ETV5: variants seen among roughly 807,000 people sequenced by gnomAD.
ETV5 encodes the protein ETS translocation variant 5.
Under a neutral mutation model 70.0 loss-of-function variants are expected in ETV5, and 10 were observed. The observed-to-expected ratio is 0.14, with a 90% confidence interval of 0.09 to 0.24. ETV5 has a LOEUF of 0.24. Among genes scored for constraint, ETV5 ranks in the 10% least tolerant of loss-of-function variants. The pLI, the probability that ETV5 is intolerant of heterozygous loss-of-function variation, is 1.00. For synonymous variants in ETV5, 216 were observed against 242.2 expected (o/e 0.89, Z 1.01); for missense variants, 453 against 651.2 (o/e 0.70, Z 3.31).
chr3:186,094,304 G>A (rs770660621), intron 5 of ETV5, among the ~76,000 whole-genome samples: 2 of 152,184 alleles, frequency 1.3e-5, no homozygotes, highest in Non-Finnish European at 2.9e-5. Context: ...TGACCTGTGG[G>A]TAAGAACGAT....
chr3:186,103,838 C>T (rs1008077952), intron 5 of ETV5, among the ~76,000 whole-genome samples: 21 of 152,230 alleles, frequency 1.4e-4, no homozygotes, highest in African/African-American at 4.8e-4. Flanking sequence ...TTCCCTTTTA[C>T]AGTTTCATGG....
chr3:186,101,864 C>G (rs749737449), intron 5 of ETV5, among the ~76,000 whole-genome samples: 3 of 152,198 alleles, frequency 2.0e-5, no homozygotes, highest in African/African-American at 4.8e-5. Context: ...AATCTGAGAT[C>G]TTCAGAGTTA....
chr3:186,060,816 A>G (rs1713285571), intron 9 of ETV5, among the ~76,000 whole-genome samples: 1 of 152,206 alleles, frequency 6.6e-6, no homozygotes, highest in African/African-American at 2.4e-5. Context: ...CTTGCTAAAA[A>G]TATTTCCCTT....
rs1714561780 is a variant in ETV5, at chr3:186,105,313, G to C, written c.224C>G (p.Ser75Cys). The C allele has an allele frequency of 1.9e-6, 3 of 1,612,308 alleles. No homozygotes were observed. Among genetic ancestry groups the C allele is most frequent in the African/African-American group, 2.7e-5 (2 of 74,984 alleles). ...ACCAGAAAGGTACTTACGGTTATCA[G>C]ACTGAAAATCTGGGACAAACTGTTC... ...DDEQFVPDFQ[S>C]DNLVLHAPPP... The change falls in exon 5 of 13, where the codon TCT becomes TGT. Residue 75 changes from serine (S) to cysteine (C), a missense_variant. Ser to Cys is a moderately radical substitution (Grantham distance 112). Around this residue, in one of 4 missense-constraint regions of ETV5, gnomAD observed 47 missense variants for 96.8 expected, o/e 0.49. Coordinates refer to ENST00000306376, the MANE Select transcript of ETV5 (RefSeq NM_004454.3). The surrounding 1 kb of genome is among the most constrained non-coding windows in gnomAD (Gnocchi z 4.5).
intron 5 of ETV5, among the ~76,000 whole-genome samples, chr3:186,088,610 G>C (rs886638972): frequency 6.6e-6 from 1 of 152,216 alleles, no homozygotes; most frequent in Non-Finnish European, 1.5e-5. Context: ...GTGGTTGTGG[G>C]AGTGAGTAGA....
At chr3:186,108,506 C>G (rs770006897) in intron 1 of ETV5, 18 of 1,287,078 alleles carry the variant, frequency 1.4e-5, no homozygotes, top group Non-Finnish European at 1.8e-5. Flanking sequence ...GCCTCTCAGA[C>G]ATTCCCCTCA....
intron 7 of ETV5, chr3:186,078,247 A>G: frequency 9.8e-7 from 1 of 1,017,030 alleles, no homozygotes; most frequent in Non-Finnish European, 1.2e-6. Flanking sequence ...AGGGGGAAAT[A>G]TTAGATAAAG....
At chr3:186,077,282 AACCTATAGTC>A (rs2074548770) in intron 7 of ETV5, among the ~76,000 whole-genome samples, 2 of 152,260 alleles carry the variant, frequency 1.3e-5, no homozygotes, top group Non-Finnish European at 2.9e-5. Context: ...GCCAAGAGAC[AACCTATAGTC>A]ACCAATAAAA....
rs1359393283 is a variant in ETV5 at position 186,079,915 on chromosome 3, A to G, written c.552T>C (p.Pro184=). ...PAPAPHSLPE[P]GPQQQTFAVP... is the part of the protein sequence containing the mutation. Reference sequence around the variant, plus strand: ...CCGCAAATGTTTGCTGCTGTGGTCCAGGCTCTGGAAGCGAATGGGGGGCGG... The same window carrying G: ...CCGCAAATGTTTGCTGCTGTGGTCCGGGCTCTGGAAGCGAATGGGGGGCGG... The change falls in exon 7 of 13, where the codon CCT becomes CCC. Residue 184 remains proline, a synonymous_variant. Coordinates refer to ENST00000306376, the MANE Select transcript of ETV5 (RefSeq NM_004454.3). 8.5e-7 allele frequency: 1 copy of G among 1,172,526 alleles called. No individual in the cohort carries two copies. Among genetic ancestry groups the G allele is most frequent in the African/African-American group, 1.8e-5 (1 of 56,102 alleles). The allele number at this position is 1,172,526 out of a possible 1,614,324, so 72.6% of individuals were successfully genotyped here. A position where few individuals can be genotyped will look rare whatever the true frequency, so the allele number is the denominator to read the frequency against.
rs780599386 is a variant in ETV5, at chr3:186,105,428, T to C, written c.181+21A>G. Reference sequence around the variant, plus strand: ...ACAGTAAAATGTTTTATATGGAAAATAGGACATCCATGAAACTTGCCTTCA... The same window carrying C: ...ACAGTAAAATGTTTTATATGGAAAACAGGACATCCATGAAACTTGCCTTCA... On this transcript the variant is annotated intron_variant, in intron 4 of 12. Transcript: ENST00000306376. The surrounding 1 kb of genome is among the most constrained non-coding windows in gnomAD (Gnocchi z 4.5). 2.4e-5 allele frequency: 39 copies of C among 1,613,646 alleles called. No individual in the cohort carries two copies. Among genetic ancestry groups the C allele is most frequent in the Middle Eastern group, 1.6e-4 (1 of 6,062 alleles).
chr3:186,048,785 G>A lies in ETV5; in HGVS notation c.1387C>T (p.Gln463Ter), dbSNP rs2150140055. The change falls in exon 13 of 13, where the codon CAG becomes TAG. Residue 463 changes from glutamine to a stop codon, truncating the protein, a stop_gained. Transcript: ENST00000306376. LOFTEE classifies it high-confidence loss of function. ...GACTCTGCCTTCAGGAACGGACGCTGGTTATCCGGGAAAGCCATGGAGAAG... is the reference window on the plus strand; with the variant it reads ...GACTCTGCCTTCAGGAACGGACGCTAGTTATCCGGGAAAGCCATGGAGAAG... ...ALFSMAFPDNQRPFLKAESEC... is the reference protein window; with the variant it reads ...ALFSMAFPDN The A allele has an allele frequency of 6.2e-7, 1 of 1,614,166 alleles. No homozygotes were observed. The highest frequency in any genetic ancestry group is 8.5e-7 in the Non-Finnish European group (1 of 1,180,040).
intron 7 of ETV5, among the ~76,000 whole-genome samples, chr3:186,075,459 GA>G (rs1263034169): frequency 6.6e-6 from 1 of 152,134 alleles, no homozygotes; most frequent in Non-Finnish European, 1.5e-5. Context: ...AAGAGAGGAA[GA>G]AAAAACAAGA....
At chr3:186,095,333 CA>C (rs1714279788) in intron 5 of ETV5, 1 of 152,134 alleles carries the variant, frequency 6.6e-6, no homozygotes, top group African/African-American at 2.4e-5. Context: ...AAAAAAATTG[CA>C]AAACTAAACC....
chr3:186,060,179 G>C (rs1713269713), intron 9 of ETV5, among the ~76,000 whole-genome samples: 1 of 152,120 alleles, frequency 6.6e-6, no homozygotes, highest in African/African-American at 2.4e-5. Flanking sequence ...TATTTTCAGA[G>C]TTCTTCTCCT....
Position 186,048,611 on chromosome 3 carries a change from G to C in ETV5, c.*28C>G, listed in dbSNP as rs375024691. On this transcript the variant is annotated 3_prime_UTR_variant, in exon 13 of 13. Coordinates refer to ENST00000306376, the MANE Select transcript of ETV5 (RefSeq NM_004454.3). ...GCCTGAATGGGAACTGCTAGCTCTA[G>C]GGTTTGGCCACTCCGCCACTCAGAA... 1.3e-6 allele frequency: 2 copies of C among 1,598,966 alleles called. No homozygotes were observed. The highest frequency in any genetic ancestry group is 1.7e-6 in the Non-Finnish European group (2 of 1,166,550).
At chr3:186,069,114 T>TAGA (rs1713530820) in intron 7 of ETV5, among the ~76,000 whole-genome samples, 2 of 152,220 alleles carry the variant, frequency 1.3e-5, no homozygotes, top group South Asian at 4.1e-4. Context: ...TGTGTACAGA[T>TAGA]AGAACACTGT....
At chr3:186,099,890 G>A (rs1714408773) in intron 5 of ETV5, among the ~76,000 whole-genome samples, 1 of 152,240 alleles carries the variant, frequency 6.6e-6, no homozygotes, top group Non-Finnish European at 1.5e-5. Flanking sequence ...GGACTGGTAA[G>A]CCTACTGGGT....
rs1404849622 is a variant in ETV5 at position 186,047,707 on chromosome 3, C to T, written c.*932G>A. 3.0e-5 allele frequency: 7 copies of T among 233,432 alleles called. No homozygotes were observed. The highest frequency in any genetic ancestry group is 5.9e-5 in the Non-Finnish European group (7 of 117,952). 14.5% of individuals were successfully genotyped at this position (233,432 alleles called of 1,614,324 possible). A position where few individuals can be genotyped will look rare whatever the true frequency, so the allele number is the denominator to read the frequency against. Reference sequence around the variant, plus strand: ...TGGCCAAGGGGAAGCCTCAGCAAAGCCCCTCTCAAGCTGCAGTGTCTTCAT... The same window carrying T: ...TGGCCAAGGGGAAGCCTCAGCAAAGTCCCTCTCAAGCTGCAGTGTCTTCAT... On this transcript the variant is annotated 3_prime_UTR_variant, in exon 13 of 13. Coordinates refer to ENST00000306376, the MANE Select transcript of ETV5 (RefSeq NM_004454.3).
At chr3:186,090,979 T>C (rs1317809350) in intron 5 of ETV5, among the ~76,000 whole-genome samples, 1 of 152,342 alleles carries the variant, frequency 6.6e-6, no homozygotes, top group African/African-American at 2.4e-5. Context: ...CCCCTGTGCC[T>C]TTATGTCTTA....
Sources: allele counts gnomAD v4.1 joint callset (sites outside exome capture counted in the v4.1 genomes callset), GRCh38; gene constraint gnomAD v4.1.1; regional missense constraint gnomAD v4.1.1; non-coding constraint Gnocchi (gnomAD v3.1); transcripts MANE v1.5; gene names NCBI Gene and HGNC (gene_info 2026-07-23, HGNC 2026-07-21).